TFEC: variants seen among roughly 807,000 people sequenced by gnomAD.
The protein encoded by TFEC is transcription factor EC, also known as class E basic helix-loop-helix protein 34.
Under a neutral mutation model 41.6 loss-of-function variants are expected in TFEC, and 31 were observed. The observed-to-expected ratio is 0.74, with a 90% CI of 0.56 to 1.01. TFEC has a LOEUF of 1.01. TFEC is among the 50% of genes least tolerant of loss of function. The pLI, the probability that TFEC is intolerant of heterozygous loss-of-function variation, is 0.00. For synonymous variants in TFEC, 143 were observed against 140.6 expected, an observed-to-expected ratio of 1.02 and a Z score of -0.12; for missense variants, 402 against 404.1, an observed-to-expected ratio of 0.99 and a Z score of 0.04.
chr7:116,090,773 G>A lies in TFEC; in HGVS notation c.198+19935C>T, dbSNP rs576155878. 1.1e-4 allele frequency among the ~76,000 whole-genome samples: 16 copies of A among 152,120 alleles called. No individual in the cohort carries two copies. In the East Asian group the frequency reaches 1.2e-3, roughly 11 times the overall value. On this transcript the variant is annotated intron_variant, in intron 3 of 8. Coordinates refer to the TFEC transcript ENST00000484212. ...TTGCACGTGCTCAAAAATGTTTACC[G>A]ATAGAGTTATGTGATGGTAAAAAAT...
At chr7:116,030,041 G>T (rs1237530780) in intron 1 of TFEC, among the ~76,000 whole-genome samples, 1 of 152,106 alleles carries the variant, frequency 6.6e-6, no homozygotes, top group Admixed American at 6.6e-5. Context: ...ACTCCAGCCT[G>T]GGTGACAGGG....
At chr7:115,994,411 G>A (rs1212624578) in intron 1 of TFEC, among the ~76,000 whole-genome samples, 2 of 152,310 alleles carry the variant, frequency 1.3e-5, no homozygotes, top group East Asian at 1.9e-4. Context: ...CCATCAGAGT[G>A]AACAGGCAAC....
At chr7:116,035,880 C>T (rs992999317) in intron 3 of TFEC, among the ~76,000 whole-genome samples, 5 of 151,798 alleles carry the variant, frequency 3.3e-5, no homozygotes, top group African/African-American at 1.2e-4. Context: ...AATTTAATTT[C>T]AAATACCTTA....
intron 3 of TFEC, chr7:116,110,668 T>C: frequency 1.6e-6 from 2 of 1,232,330 alleles, no homozygotes; most frequent in South Asian, 5.8e-5. Flanking sequence ...TTACTATACT[T>C]ACTTAGAAAT....
intron 3 of TFEC, among the ~76,000 whole-genome samples, chr7:116,045,181 CA>C (rs1173522842): frequency 6.6e-6 from 1 of 152,148 alleles, no homozygotes; most frequent in Non-Finnish European, 1.5e-5. Flanking sequence ...TGGTGTTGAC[CA>C]AATGCCTGAT....
chr7:116,026,404 T>A (rs752553313), intron 1 of TFEC, among the ~76,000 whole-genome samples: 1 of 152,230 alleles, frequency 6.6e-6, no homozygotes, highest in South Asian at 2.1e-4. Flanking sequence ...CTGTAATTAA[T>A]TGTTGAAATG....
At chr7:116,060,223 G>T (rs1304345889) in intron 3 of TFEC, among the ~76,000 whole-genome samples, 2 of 152,038 alleles carry the variant, frequency 1.3e-5, no homozygotes, top group Admixed American at 6.6e-5. Flanking sequence ...AAAATAACAT[G>T]CTGGCAAGGT....
chr7:116,111,036 AT>A (rs1233371606), intron 2 of TFEC: 9 of 504,108 alleles, frequency 1.8e-5, no homozygotes, highest in African/African-American at 1.6e-4. Context: ...TAAGGGAGGT[AT>A]TTGAAATAGA....
intron 1 of TFEC, among the ~76,000 whole-genome samples, chr7:115,991,268 A>C (rs1794098041): frequency 6.6e-6 from 1 of 152,366 alleles, no homozygotes; most frequent in Admixed American, 6.5e-5. Flanking sequence ...CCACTGCAAG[A>C]ACATGCCAAA....
At chr7:116,133,109 T>C (rs1798365135) in intron 1 of TFEC, among the ~76,000 whole-genome samples, 1 of 152,248 alleles carries the variant, frequency 6.6e-6, no homozygotes, top group African/African-American at 2.4e-5. Context: ...TTGCTTATAA[T>C]CTTTTCAGTT....
chr7:115,975,979 T>A (rs1793361128), intron 2 of TFEC, among the ~76,000 whole-genome samples: 2 of 152,070 alleles, frequency 1.3e-5, no homozygotes, highest in South Asian at 4.1e-4. Context: ...CAGTAGAAAT[T>A]TCTGCAATGA....
chr7:116,103,351 G>C (rs113173544), intron 3 of TFEC, among the ~76,000 whole-genome samples: 25 of 152,130 alleles, frequency 1.6e-4, no homozygotes, highest in Admixed American at 9.2e-4. Flanking sequence ...TGCCAAAGCT[G>C]CTGCTTACAC....
rs73460645 is a variant in TFEC at position 116,014,460 on chromosome 7, C to A, written c.-73+16173G>T. On this transcript the variant is annotated intron_variant, in intron 1 of 7. Transcript: ENST00000265440. ...GAGGAGGACCCAAAATTCTGTTTTCCATACTAATTTGAGCTTACAAACCAA... is the reference window on the plus strand; with the variant it reads ...GAGGAGGACCCAAAATTCTGTTTTCAATACTAATTTGAGCTTACAAACCAA... 5.6e-3 allele frequency among the ~76,000 whole-genome samples: 845 copies of A among 151,560 alleles called. 8 individuals carry two copies. Among genetic ancestry groups the A allele is most frequent in the African/African-American group, 0.02 (816 of 41,290 alleles).
intron 1 of TFEC, among the ~76,000 whole-genome samples, chr7:116,143,762 T>C (rs1037236679): frequency 6.6e-6 from 1 of 152,188 alleles, no homozygotes; most frequent in Non-Finnish European, 1.5e-5. Flanking sequence ...CCCTACTCCT[T>C]CTGCAAACAT....
In TFEC at chr7:116,099,295, A is replaced by C. The variant is rs1797548896; in HGVS notation, c.198+11413T>G. On this transcript the variant is annotated intron_variant, in intron 3 of 8. Transcript: ENST00000484212. ...TTTACAGGATTTAGCACAAGATTCTAGTAATGACTGCACCATGTTAAATAA... is the reference window on the plus strand; with the variant it reads ...TTTACAGGATTTAGCACAAGATTCTCGTAATGACTGCACCATGTTAAATAA... 3.3e-5 allele frequency among the ~76,000 whole-genome samples: 5 copies of C among 152,356 alleles called. 1 individual carries two copies. In the South Asian group the frequency reaches 8.3e-4, roughly 25 times the overall value.
intron 1 of TFEC, among the ~76,000 whole-genome samples, chr7:115,993,070 G>A (rs1489066393): frequency 6.6e-6 from 1 of 152,082 alleles, no homozygotes; most frequent in East Asian, 1.9e-4. Context: ...ATCAATAAAC[G>A]TAATTCATCA....
chr7:116,125,184 G>C (rs761709756), intron 1 of TFEC, among the ~76,000 whole-genome samples: 3 of 152,154 alleles, frequency 2.0e-5, no homozygotes, highest in Non-Finnish European at 2.9e-5. Flanking sequence ...GATGAAAGAA[G>C]TATAATCTGT....
chr7:116,149,993 T>C (rs1473167199), intron 1 of TFEC, among the ~76,000 whole-genome samples: 2 of 152,152 alleles, frequency 1.3e-5, no homozygotes, highest in African/African-American at 2.4e-5. Flanking sequence ...AAATGGAAAT[T>C]TGACAAAACC....
chr7:116,048,975 A>C (rs1796240907), intron 3 of TFEC, among the ~76,000 whole-genome samples: 1 of 152,234 alleles, frequency 6.6e-6, no homozygotes, highest in East Asian at 1.9e-4. Flanking sequence ...AGAGCTCCTG[A>C]AGGAAGCACT....
Sources: allele counts gnomAD v4.1 joint callset (sites outside exome capture counted in the v4.1 genomes callset), GRCh38; gene constraint gnomAD v4.1.1; transcripts MANE v1.5; gene names NCBI Gene and HGNC (gene_info 2026-07-23, HGNC 2026-07-21).